RBFOX1: variants seen among roughly 807,000 people sequenced by gnomAD.
The protein encoded by RBFOX1 is RNA binding fox-1 homolog 1.
Under a neutral mutation model 57.7 loss-of-function variants are expected in RBFOX1, and 8 were observed. The observed-to-expected ratio is 0.14, with a 90% confidence interval of 0.08 to 0.25. The LOEUF (loss-of-function observed/expected upper bound fraction) is 0.25, where lower values mean the gene tolerates loss of function less well. Ranked by LOEUF, RBFOX1 falls within the 10% of genes least tolerant of loss-of-function variation. RBFOX1 has a pLI of 1.00. For missense variants in RBFOX1, 611 were observed against 548.5 expected, an observed-to-expected ratio of 1.11 and a Z score of -1.14; for synonymous variants, 326 against 222.4, an observed-to-expected ratio of 1.47 and a Z score of -4.15.
At chr16:6,794,160 G>A (rs1168570011) in intron 3 of RBFOX1, among the ~76,000 whole-genome samples, 16 of 152,078 alleles carry the variant, frequency 1.1e-4, no homozygotes, top group Admixed American at 9.8e-4. Flanking sequence ...TGTTCCCTAA[G>A]TTCTTCCCAT....
intron 7 of RBFOX1, among the ~76,000 whole-genome samples, chr16:7,592,738 A>G (rs1471853316): frequency 6.6e-6 from 1 of 152,232 alleles, no homozygotes; most frequent in African/African-American, 2.4e-5. Context: ...GTACCTCTAC[A>G]TGTAAGCTCC....
At chr16:6,394,609 C>T (rs988078988) in intron 2 of RBFOX1, among the ~76,000 whole-genome samples, 1 of 151,448 alleles carries the variant, frequency 6.6e-6, no homozygotes, top group Non-Finnish European at 1.5e-5. Context: ...AGTAACTTTC[C>T]TGGATAAACA....
At chr16:5,865,753 C>T (rs747285548) in intron 3 of RBFOX1, among the ~76,000 whole-genome samples, 2 of 152,148 alleles carry the variant, frequency 1.3e-5, no homozygotes, top group Non-Finnish European at 2.9e-5. Flanking sequence ...TGCAGCTTAA[C>T]CAACAGGAAT....
intron 3 of RBFOX1, among the ~76,000 whole-genome samples, chr16:6,667,751 T>A (rs551290295): frequency 6.6e-6 from 1 of 152,184 alleles, no homozygotes; most frequent in South Asian, 2.1e-4. Flanking sequence ...TAGTTAGGCA[T>A]GATGGTGCGT....
chr16:5,558,804 G>A (rs2045777866), intron 2 of RBFOX1, among the ~76,000 whole-genome samples: 1 of 152,134 alleles, frequency 6.6e-6, no homozygotes, highest in Admixed American at 6.5e-5. Flanking sequence ...TTCACTCAAT[G>A]CATCATGAGC....
At chr16:7,071,299 G>A (rs1233486600) in intron 4 of RBFOX1, among the ~76,000 whole-genome samples, 3 of 152,088 alleles carry the variant, frequency 2.0e-5, no homozygotes, top group Non-Finnish European at 2.9e-5. Flanking sequence ...GGTAGGTGGT[G>A]TGAAAAGGTA....
intron 1 of RBFOX1, among the ~76,000 whole-genome samples, chr16:6,293,722 T>G (rs978957395): frequency 1.4e-5 from 2 of 144,798 alleles, no homozygotes; most frequent in South Asian, 4.3e-4. Flanking sequence ...AAGACTCTAC[T>G]GAGAAAAGGT....
At chr16:5,515,659 A>G (rs66497213) in intron 2 of RBFOX1, among the ~76,000 whole-genome samples, 13,312 of 152,242 alleles carry the variant, frequency 0.087, 743 homozygotes, top group Middle Eastern at 0.15. Flanking sequence ...AAATTAGATT[A>G]ATCTAAGGTT....
intron 2 of RBFOX1, among the ~76,000 whole-genome samples, chr16:5,570,839 C>CAAAAA (rs35367073): frequency 7.1e-6 from 1 of 140,726 alleles, no homozygotes; most frequent in Non-Finnish European, 1.5e-5. Context: ...AACTCTGTCT[C>CAAAAA]AAAAAAAAAA....
intron 1 of RBFOX1, among the ~76,000 whole-genome samples, chr16:5,265,240 C>G (rs1240920479): frequency 3.3e-5 from 5 of 152,096 alleles, no homozygotes; most frequent in African/African-American, 9.7e-5. Context: ...AAGACTTGGA[C>G]TATTTCAGTC....
intron 4 of RBFOX1, among the ~76,000 whole-genome samples, chr16:7,236,437 C>G (rs974257928): frequency 3.3e-5 from 5 of 152,156 alleles, no homozygotes; most frequent in African/African-American, 1.2e-4. Flanking sequence ...CTTCAGTTCT[C>G]CTCTCCGCTG....
At chr16:7,191,314 G>C (rs895102729) in intron 4 of RBFOX1, among the ~76,000 whole-genome samples, 1 of 147,458 alleles carries the variant, frequency 6.8e-6, no homozygotes, top group Non-Finnish European at 1.5e-5. Flanking sequence ...CTAATAAGAC[G>C]TATAATCCGT....
intron 3 of RBFOX1, among the ~76,000 whole-genome samples, chr16:5,824,282 G>T (rs900970160): frequency 6.6e-6 from 1 of 152,346 alleles, no homozygotes; most frequent in East Asian, 1.9e-4. Context: ...CATGATGACA[G>T]CTGAGTGGAT....
intron 1 of RBFOX1, among the ~76,000 whole-genome samples, chr16:5,415,079 A>G (rs766248808): frequency 8.5e-5 from 13 of 152,216 alleles, no homozygotes; most frequent in Non-Finnish European, 1.9e-4. Context: ...TGAAGATCAG[A>G]CATTTGAGAT....
intron 2 of RBFOX1, among the ~76,000 whole-genome samples, chr16:6,471,547 C>T (rs1334711331): frequency 6.7e-6 from 1 of 149,350 alleles, no homozygotes; most frequent in African/African-American, 2.5e-5. Flanking sequence ...GTGACATTCT[C>T]AGGTAGGAAG....
chr16:7,161,859 A>T (rs891102776), intron 4 of RBFOX1, among the ~76,000 whole-genome samples: 1 of 152,238 alleles, frequency 6.6e-6, no homozygotes, highest in African/African-American at 2.4e-5. Flanking sequence ...CGTTCAATTG[A>T]TTTCCATTTG....
chr16:5,898,405 C>G lies in RBFOX1; in HGVS notation c.351+31070C>G, dbSNP rs550416622. ...ACATGACCCAGAAGATCTGGTGGGC[C>G]TCTTGCTTAGACATAAAACGTATCA... is the stretch of plus-strand genomic sequence containing the variant. On this transcript the variant is annotated intron_variant, in intron 4 of 19. Coordinates refer to the RBFOX1 transcript ENST00000641259. 2.6e-5 allele frequency among the ~76,000 whole-genome samples: 4 copies of G among 152,180 alleles called. No individual in the cohort carries two copies. The South Asian group carries it at 8.3e-4, about 32-fold the overall frequency.
intron 3 of RBFOX1, among the ~76,000 whole-genome samples, chr16:5,695,610 G>A (rs1038504660): frequency 6.6e-6 from 1 of 152,154 alleles, no homozygotes; most frequent in African/African-American, 2.4e-5. Flanking sequence ...ACCTCCTTAT[G>A]TGATGCAATC....
chr16:7,094,646 TA>T (rs1476191536), intron 4 of RBFOX1, among the ~76,000 whole-genome samples: 7 of 106,744 alleles, frequency 6.6e-5, no homozygotes, highest in South Asian at 3.1e-4. Flanking sequence ...TTTTTTTTTT[TA>T]AATCATTACA....
Sources: allele counts gnomAD v4.1 joint callset (sites outside exome capture counted in the v4.1 genomes callset), GRCh38; gene constraint gnomAD v4.1.1; transcripts MANE v1.5; gene names NCBI Gene and HGNC (gene_info 2026-07-23, HGNC 2026-07-21).